RANBP2: variants seen among roughly 807,000 people sequenced by gnomAD.
RANBP2 encodes E3 SUMO-protein ligase RanBP2.
A neutral mutation model predicts 303.6 loss-of-function variants in RANBP2; 57 were observed. That is an observed-to-expected ratio of 0.19 (90% confidence interval 0.15 to 0.23). RANBP2 has a LOEUF of 0.23. RANBP2 is among the 10% of genes least tolerant of loss of function. RANBP2 has a pLI of 1.00. For missense variants in RANBP2, 3,138 were observed against 3,780.8 expected, an observed-to-expected ratio of 0.83 and a Z score of 4.46; for synonymous variants, 1,167 against 1,301.5, an observed-to-expected ratio of 0.90 and a Z score of 2.23.
At chr2:109,139,139 A>G in the RANBP2 span, among the ~76,000 whole-genome samples, 1 of 152,166 alleles carries the variant, frequency 6.6e-6, no homozygotes, top group African/African-American at 2.4e-5. Flanking sequence ...ACTCTTTATA[A>G]TCATATCCCA....
the RANBP2 span, among the ~76,000 whole-genome samples, chr2:108,919,102 T>C: frequency 6.6e-6 from 1 of 152,142 alleles, no homozygotes; most frequent in Non-Finnish European, 1.5e-5. Context: ...TGAGAGGCTC[T>C]GAGCCAGGAG....
chr2:108,829,523 G>T, the RANBP2 span, among the ~76,000 whole-genome samples: 1 of 152,144 alleles, frequency 6.6e-6, no homozygotes, highest in South Asian at 2.1e-4. Context: ...AGGCAGGCGG[G>T]TCACTTGAGG....
intron 1 of RANBP2, among the ~76,000 whole-genome samples, chr2:108,725,673 G>T (rs974048525): frequency 2.2e-4 from 34 of 152,070 alleles, no homozygotes; most frequent in African/African-American, 8.0e-4. Context: ...AGAGGTTGCA[G>T]TGAGCTGAGA....
the RANBP2 span, among the ~76,000 whole-genome samples, chr2:109,256,297 G>C: frequency 6.6e-6 from 1 of 152,212 alleles, no homozygotes; most frequent in Non-Finnish European, 1.5e-5. Context: ...ACTGGGAGTG[G>C]GGGAAGTTGA....
the RANBP2 span, among the ~76,000 whole-genome samples, chr2:109,525,928 T>C: frequency 6.6e-6 from 1 of 152,122 alleles, no homozygotes; most frequent in African/African-American, 2.4e-5. Context: ...ATTGCTAATT[T>C]TCCCAGCTCA....
the RANBP2 span, among the ~76,000 whole-genome samples, chr2:109,534,695 G>A: frequency 2.6e-5 from 4 of 151,856 alleles, no homozygotes; most frequent in African/African-American, 4.8e-5. Context: ...TGGGAGAATC[G>A]CTTGAACCTG....
At chr2:109,674,114 A>T in the RANBP2 span, among the ~76,000 whole-genome samples, 1 of 152,074 alleles carries the variant, frequency 6.6e-6, no homozygotes, top group South Asian at 2.1e-4. Flanking sequence ...TACCTTTCAC[A>T]TCCTATTGGC....
At chr2:109,306,370 C>T in the RANBP2 span, among the ~76,000 whole-genome samples, 1 of 152,252 alleles carries the variant, frequency 6.6e-6, no homozygotes, top group East Asian at 1.9e-4. Context: ...CCAGCAGCAC[C>T]TGCAGAGTGC....
At chr2:109,614,481 C>T in the RANBP2 span, 2 of 1,225,352 alleles carry the variant, frequency 1.6e-6, no homozygotes, top group Non-Finnish European at 1.0e-6. Context: ...GGGAGCAGCG[C>T]GGTCGAGGAT....
chr2:109,053,754 CAG>C, the RANBP2 span, among the ~76,000 whole-genome samples: 1 of 152,230 alleles, frequency 6.6e-6, no homozygotes, highest in Non-Finnish European at 1.5e-5. Context: ...GCTCTATAAA[CAG>C]GGGTAAGGAC....
the RANBP2 span, among the ~76,000 whole-genome samples, chr2:109,322,625 A>G: frequency 1.3e-5 from 2 of 152,242 alleles, no homozygotes; most frequent in Non-Finnish European, 2.9e-5. Flanking sequence ...CGCCAGTCAA[A>G]TGTCAAAGGC....
the RANBP2 span, among the ~76,000 whole-genome samples, chr2:109,086,277 G>C: frequency 6.6e-6 from 1 of 152,092 alleles, no homozygotes; most frequent in Non-Finnish European, 1.5e-5. Flanking sequence ...GTTGGGGGAG[G>C]GGGGCGGTCA....
the RANBP2 span, among the ~76,000 whole-genome samples, chr2:109,078,041 A>T: frequency 0.14 from 18,731 of 135,992 alleles, 1,897 homozygotes; most frequent in Non-Finnish European, 0.16. Flanking sequence ...ATAATAGCCA[A>T]GATATGGAAA....
chr2:109,206,512 AAAAG>A, the RANBP2 span, among the ~76,000 whole-genome samples: 1 of 148,304 alleles, frequency 6.7e-6, no homozygotes, highest in Non-Finnish European at 1.5e-5. Context: ...AAAAAAAAAA[AAAAG>A]AATTAGAGGA....
the RANBP2 span, chr2:108,812,584 C>A: frequency 7.2e-7 from 1 of 1,388,802 alleles, no homozygotes; most frequent in African/African-American, 1.4e-5. Flanking sequence ...TAGTATGAAA[C>A]CAGTTGAAGG....
At chr2:109,608,915 C>T in the RANBP2 span, among the ~76,000 whole-genome samples, 2 of 152,172 alleles carry the variant, frequency 1.3e-5, no homozygotes, top group African/African-American at 4.8e-5. Flanking sequence ...AAATCTAAAG[C>T]AGAGATAAAT....
the RANBP2 span, among the ~76,000 whole-genome samples, chr2:108,996,029 T>C: frequency 1.4e-4 from 21 of 152,238 alleles, no homozygotes; most frequent in Admixed American, 6.5e-5. Flanking sequence ...ATAAGCAAGG[T>C]TTAAGAAAGT....
chr2:109,230,081 C>T, the RANBP2 span, among the ~76,000 whole-genome samples: 3 of 152,068 alleles, frequency 2.0e-5, no homozygotes, highest in African/African-American at 7.2e-5. Flanking sequence ...GCCTCAGCCT[C>T]CCAAAGTGCT....
chr2:108,911,028 T>C, the RANBP2 span: 2 of 1,614,126 alleles, frequency 1.2e-6, no homozygotes, highest in Admixed American at 3.3e-5. Flanking sequence ...ATGGTGGACA[T>C]TGCAATGATC....
Sources: allele counts gnomAD v4.1 joint callset (sites outside exome capture counted in the v4.1 genomes callset), GRCh38; gene constraint gnomAD v4.1.1; transcripts MANE v1.5; gene names NCBI Gene and HGNC (gene_info 2026-07-23, HGNC 2026-07-21).